Variants in NAA15 observed in about 807,000 individuals in gnomAD.
The protein encoded by NAA15 is N-terminal acetyltransferase.
NAA15 carries 34 observed loss-of-function variants against 114.0 expected under a neutral mutation model. That is an observed-to-expected ratio of 0.30 (90% CI 0.23 to 0.40). The LOEUF is 0.40. Ranked by LOEUF, NAA15 falls within the 10% of genes least tolerant of loss-of-function variation. NAA15 has a pLI of 1.00. For synonymous variants in NAA15, 340 were observed against 338.0 expected (o/e 1.01, Z -0.06); for missense variants, 658 against 1,004.5 (o/e 0.66, Z 4.66).
chr4:139,384,471 G>T (rs906822579), intron 17 of NAA15, among the ~76,000 whole-genome samples: 1 of 151,478 alleles, frequency 6.6e-6, no homozygotes, highest in Non-Finnish European at 1.5e-5. Flanking sequence ...GTAAAACCTT[G>T]TCTGTCTCAA....
chr4:139,324,739 T>C (rs1746734357), intron 1 of NAA15, among the ~76,000 whole-genome samples: 1 of 152,240 alleles, frequency 6.6e-6, no homozygotes, highest in South Asian at 2.1e-4. Context: ...AAGACCAGCC[T>C]GGCCAACATC....
intron 1 of NAA15, among the ~76,000 whole-genome samples, chr4:139,327,484 C>T (rs1746840750): frequency 6.6e-6 from 1 of 152,066 alleles, no homozygotes; most frequent in Non-Finnish European, 1.5e-5. Flanking sequence ...GAACTCTTGA[C>T]CTTAGGTGAT....
intron 1 of NAA15, among the ~76,000 whole-genome samples, chr4:139,316,543 T>G (rs1228350914): frequency 1.3e-5 from 2 of 151,952 alleles, no homozygotes; most frequent in Admixed American, 1.3e-4. Context: ...GTTATTTAAT[T>G]ACTTTAAATT....
In NAA15 at chr4:139,315,051, G is replaced by GTTTAGT. The variant is rs56861357; in HGVS notation, c.54+13222_54+13223insTAGTTT. Among the ~76,000 whole-genome samples, 96 of 112,430 alleles carry GTTTAGT rather than the reference G, an allele frequency of 8.5e-4. 1 individual carries two copies. Among genetic ancestry groups the GTTTAGT allele is most frequent in the African/African-American group, 3.0e-3 (87 of 29,452 alleles). 73.8% of individuals were successfully genotyped at this position (112,430 alleles called of 152,430 possible). On this transcript the variant is annotated intron_variant, in intron 1 of 19. Transcript: ENST00000296543. ...GTTAGGTTAGGTTAGGTTAGGTTAGGTTAGTTTAGTTTAGTTTAGTTTAGT... is the reference window on the plus strand; with the variant it reads ...GTTAGGTTAGGTTAGGTTAGGTTAGGTTTAGTTTAGTTTAGTTTAGTTTAGTTTAGT...
intron 11 of NAA15, among the ~76,000 whole-genome samples, chr4:139,359,214 C>T (rs1009592055): frequency 6.6e-6 from 1 of 152,066 alleles, no homozygotes; most frequent in African/African-American, 2.4e-5. Context: ...CTGCAACCTG[C>T]ACCTCCTGGG....
At chr4:139,361,181 A>G (rs1009903298) in intron 13 of NAA15, among the ~76,000 whole-genome samples, 1 of 152,108 alleles carries the variant, frequency 6.6e-6, no homozygotes, top group Non-Finnish European at 1.5e-5. Flanking sequence ...CACATTTGCA[A>G]TATTGTCAAG....
At position 139,316,364 on chromosome 4, in the gene NAA15, A is replaced by G. The variant is rs1746411211; in HGVS notation, c.54+14533A>G. 2.0e-5 allele frequency among the ~76,000 whole-genome samples: 3 copies of G among 151,928 alleles called. No homozygotes were observed. The South Asian group carries it at 6.2e-4, about 32-fold the overall frequency. On this transcript the variant is annotated intron_variant, in intron 1 of 19. Transcript: ENST00000296543. ...ATTTCTTTTTCATTTATGTGAAAGCATTCCTATTTTCTATCTCTTTAGATC... is the reference window on the plus strand; with the variant it reads ...ATTTCTTTTTCATTTATGTGAAAGCGTTCCTATTTTCTATCTCTTTAGATC...
intron 15 of NAA15, among the ~76,000 whole-genome samples, chr4:139,376,156 A>G (rs1466908835): frequency 6.6e-6 from 1 of 152,122 alleles, no homozygotes; most frequent in South Asian, 2.1e-4. Context: ...CTATCCAGCA[A>G]TAATAAAGTA....
intron 1 of NAA15, among the ~76,000 whole-genome samples, chr4:139,327,604 C>T (rs1343469251): frequency 2.0e-5 from 3 of 152,120 alleles, no homozygotes; most frequent in Admixed American, 6.6e-5. Flanking sequence ...GGTGAATATA[C>T]GTTTCTGTGT....
chr4:139,370,107 A>C (rs1748393537), intron 14 of NAA15, 104 bp from the exon 15 acceptor site: 2 of 974,228 alleles, frequency 2.1e-6, no homozygotes, highest in Non-Finnish European at 2.9e-6. Context: ...GCCCAGCCTC[A>C]TGCAATATTT....
intron 1 of NAA15, among the ~76,000 whole-genome samples, chr4:139,308,165 G>T (rs1362815167): frequency 6.6e-6 from 1 of 151,978 alleles, no homozygotes; most frequent in African/African-American, 2.4e-5. Context: ...GTTTCACCGT[G>T]TTAGCCAGGA....
At chr4:139,356,986 CTT>C (rs10712283) in intron 10 of NAA15, among the ~76,000 whole-genome samples, 28,774 of 146,764 alleles carry the variant, frequency 0.2, 3,093 homozygotes, top group Non-Finnish European at 0.26. Flanking sequence ...GCAGCCAGGG[CTT>C]TTTTTTTTTT....
chr4:139,312,244 A>G (rs1746248579), intron 1 of NAA15, among the ~76,000 whole-genome samples: 1 of 151,970 alleles, frequency 6.6e-6, no homozygotes, highest in African/African-American at 2.4e-5. Flanking sequence ...TGATAGTAAG[A>G]AGGGTGAGTG....
At chr4:139,357,787 A>G (rs1748004579) in intron 11 of NAA15, among the ~76,000 whole-genome samples, 1 of 152,220 alleles carries the variant, frequency 6.6e-6, no homozygotes, top group East Asian at 1.9e-4. Context: ...ATTAATGTAT[A>G]TGTATTCACA....
chr4:139,303,824 G>A (rs1047970475), intron 1 of NAA15, among the ~76,000 whole-genome samples: 3 of 152,210 alleles, frequency 2.0e-5, no homozygotes, highest in East Asian at 1.9e-4. Flanking sequence ...CATCTCCTAA[G>A]AATAAGGACA....
chr4:139,357,263 C>A, intron 10 of NAA15, 123 bp from the exon 11 acceptor site: 1 of 786,350 alleles, frequency 1.3e-6, no homozygotes, highest in Non-Finnish European at 2.1e-6. Flanking sequence ...AGTTTTATAG[C>A]TAGATACATA....
intron 14 of NAA15, among the ~76,000 whole-genome samples, chr4:139,362,520 A>C (rs1287819514): frequency 6.6e-6 from 1 of 152,086 alleles, no homozygotes; most frequent in African/African-American, 2.4e-5. Flanking sequence ...TGATCTGCCC[A>C]CCTCGGCCTC....
intron 12 of NAA15, 123 bp downstream of exon 12, chr4:139,360,018 T>A: frequency 1.2e-6 from 1 of 853,560 alleles, no homozygotes; most frequent in Non-Finnish European, 1.7e-6. Context: ...GCCAAGATTT[T>A]AATTAAATCA....
At chr4:139,307,937 T>C (rs1189136434) in intron 1 of NAA15, among the ~76,000 whole-genome samples, 3 of 152,094 alleles carry the variant, frequency 2.0e-5, no homozygotes, top group Non-Finnish European at 4.4e-5. Context: ...GGTGGCTGTA[T>C]ACATTGTATA....
Sources: allele counts gnomAD v4.1 joint callset (sites outside exome capture counted in the v4.1 genomes callset), GRCh38; gene constraint gnomAD v4.1.1; transcripts MANE v1.5; gene names NCBI Gene and HGNC (gene_info 2026-07-23, HGNC 2026-07-21).